GSR: variants seen among roughly 807,000 people sequenced by gnomAD.
GSR encodes the protein glutathione reductase, mitochondrial.
Under a neutral mutation model 56.5 loss-of-function variants are expected in GSR, and 48 were observed. The observed-to-expected ratio is 0.85, with a 90% CI of 0.67 to 1.08. The LOEUF is 1.08. GSR is among the 50% of genes least tolerant of loss of function. The pLI is 0.00. For missense variants in GSR, 694 were observed against 703.3 expected (o/e 0.99, Z 0.15); for synonymous variants, 264 against 270.8 (o/e 0.97, Z 0.25).
At position 30,679,275 on chromosome 8, in the gene GSR, A is replaced by AG; in HGVS notation, c.*244_*245insC. On this transcript the variant is annotated 3_prime_UTR_variant, in exon 13 of 13. Transcript: ENST00000221130. ...AAAAAAAACTAGCACAGAGCTGTTA[A>AG]TAAAAAAAAAACTTGAAAATATTAA... The AG allele has an allele frequency of 1.1e-5, 6 of 528,832 alleles. No individual in the cohort carries two copies. Among genetic ancestry groups the AG allele is most frequent in the African/African-American group, 5.7e-5 (3 of 52,372 alleles). The allele number at this position is 528,832 out of a possible 1,614,324, so 32.8% of individuals were successfully genotyped here. A position where few individuals can be genotyped will look rare whatever the true frequency, so the allele number is the denominator to read the frequency against.
At chr8:30,707,830 G>A (rs932175984) in intron 4 of GSR, among the ~76,000 whole-genome samples, 29 of 151,978 alleles carry the variant, frequency 1.9e-4, no homozygotes, top group Non-Finnish European at 3.5e-4. Context: ...GGTGGCACAC[G>A]CCTGTAGTCC....
At chr8:30,711,503 C>A in intron 2 of GSR, among the ~76,000 whole-genome samples, 1 of 152,166 alleles carries the variant, frequency 6.6e-6, no homozygotes, top group Admixed American at 6.6e-5. Context: ...CTGGCTGGGT[C>A]TTTTTGCTGA....
chr8:30,695,093 T>G (rs576616031), intron 7 of GSR, among the ~76,000 whole-genome samples: 2 of 151,932 alleles, frequency 1.3e-5, no homozygotes, highest in Admixed American at 1.3e-4. Flanking sequence ...AAGTGTATGA[T>G]CTACAAGATT....
intron 9 of GSR, among the ~76,000 whole-genome samples, chr8:30,686,985 C>T (rs1041932328): frequency 2.0e-5 from 3 of 151,394 alleles, no homozygotes; most frequent in Non-Finnish European, 2.9e-5. Flanking sequence ...TACAGGCATG[C>T]GTCACCATGC....
chr8:30,700,289 C>T (rs1803685784), intron 5 of GSR, among the ~76,000 whole-genome samples, 154 bp from the exon 6 acceptor site: 1 of 152,124 alleles, frequency 6.6e-6, no homozygotes, highest in Non-Finnish European at 1.5e-5. Context: ...AAGCTGCCAA[C>T]CAAATCCTCC....
intron 4 of GSR, among the ~76,000 whole-genome samples, chr8:30,705,584 A>G (rs1367710495): frequency 6.6e-6 from 1 of 152,064 alleles, no homozygotes; most frequent in Non-Finnish European, 1.5e-5. Context: ...TTTTAAAAGT[A>G]GTAGGGTGTG....
intron 3 of GSR, 41 bp downstream of exon 3, chr8:30,709,773 T>C (rs1485616570): frequency 9.0e-7 from 1 of 1,108,626 alleles, no homozygotes; most frequent in Non-Finnish European, 1.4e-6. Context: ...AAGAAAAATA[T>C]CTACACTTGG....
At chr8:30,683,998 G>A in intron 10 of GSR, 90 bp downstream of exon 10, 1 of 789,568 alleles carries the variant, frequency 1.3e-6, no homozygotes, top group Non-Finnish European at 2.3e-6. Flanking sequence ...TTTTAACTTT[G>A]CTTAAGCAGA....
chr8:30,708,219 C>T, intron 3 of GSR, 78 bp from the exon 4 acceptor site: 1 of 1,005,688 alleles, frequency 9.9e-7, no homozygotes, highest in South Asian at 1.3e-5. Context: ...TGTCCCTGAA[C>T]ACCCCGAGCA....
chr8:30,682,196 T>A, intron 10 of GSR, 135 bp from the exon 11 acceptor site: 1 of 776,714 alleles, frequency 1.3e-6, no homozygotes, highest in Non-Finnish European at 2.3e-6. Context: ...TTACACTATC[T>A]AGATAGTTTA....
At chr8:30,710,766 AAAATATAT>A (rs1804112945) in intron 2 of GSR, among the ~76,000 whole-genome samples, 1 of 145,568 alleles carries the variant, frequency 6.9e-6, no homozygotes, top group African/African-American at 2.5e-5. Context: ...AAAAGAAAAA[AAAATATAT>A]AAATGAACAT....
intron 9 of GSR, among the ~76,000 whole-genome samples, chr8:30,688,267 A>G (rs774847697): frequency 1.1e-4 from 16 of 152,208 alleles, no homozygotes; most frequent in Non-Finnish European, 4.4e-5. Context: ...GAGGGAGGCC[A>G]ATAGGAAACT....
intron 9 of GSR, among the ~76,000 whole-genome samples, chr8:30,684,766 T>C (rs1202258932): frequency 6.6e-6 from 1 of 151,938 alleles, no homozygotes; most frequent in East Asian, 1.9e-4. Flanking sequence ...AGTTTTTTTT[T>C]AGAGACAGGG....
At chr8:30,694,882 A>G (rs368353536) in intron 7 of GSR, among the ~76,000 whole-genome samples, 350 of 131,636 alleles carry the variant, frequency 2.7e-3, no homozygotes, top group African/African-American at 8.9e-3. Context: ...TGGGCAACAC[A>G]GTGAGACTCT....
At chr8:30,723,780 A>G (rs1413929763) in intron 1 of GSR, among the ~76,000 whole-genome samples, 2 of 35,052 alleles carry the variant, frequency 5.7e-5, no homozygotes, top group Non-Finnish European at 1.4e-4. Flanking sequence ...TGACAGAGCA[A>G]CAAACACACA....
chr8:30,699,302 AT>A (rs560595036), intron 6 of GSR, among the ~76,000 whole-genome samples: 246 of 151,854 alleles, frequency 1.6e-3, no homozygotes, highest in African/African-American at 5.7e-3. Context: ...AAAAAAAAAA[AT>A]GTTTGTTCAT....
rs200171779 is a variant in GSR, at chr8:30,679,481, C to T, written c.*39G>A. Reference sequence around the variant, plus strand: ...GATTATTTGTTTCATTTCAGAAGATCTATGGGTCCCACTGCCCGCCACACG... The same window carrying T: ...GATTATTTGTTTCATTTCAGAAGATTTATGGGTCCCACTGCCCGCCACACG... On this transcript the variant is annotated 3_prime_UTR_variant, in exon 13 of 13. Coordinates refer to ENST00000221130, the MANE Select transcript of GSR (RefSeq NM_000637.5). 6.9e-6 allele frequency: 11 copies of T among 1,593,586 alleles called. No individual in the cohort carries two copies. The highest frequency in any genetic ancestry group is 1.7e-4 in the Middle Eastern group (1 of 6,000).
chr8:30,703,243 A>G lies in GSR; in HGVS notation c.493-3T>C. 6.2e-7 allele frequency: 1 copy of G among 1,613,574 alleles called. No individual in the cohort carries two copies. The highest frequency in any genetic ancestry group is 8.5e-7 in the Non-Finnish European group (1 of 1,179,476). On this transcript the variant is annotated splice_region_variant and splice_polypyrimidine_tract_variant and intron_variant, in intron 4 of 12. Coordinates refer to ENST00000221130, the MANE Select transcript of GSR (RefSeq NM_000637.5). ...CCACGGATGATTTCTATATGGGACT[A>G]AAGAAGGAACCATGACATTAGCCTG... is the stretch of plus-strand genomic sequence containing the variant.
Position 30,696,491 on chromosome 8 carries a change from G to C in GSR, c.696-12C>G. ...CAATGACGCTGCGGCTGAGACGCGA[G>C]CAGAGGGTTAGTATTCTTAAATAAA... On this transcript the variant is annotated splice_polypyrimidine_tract_variant and intron_variant, in intron 6 of 12. Transcript: ENST00000221130. 2.6e-6 allele frequency: 4 copies of C among 1,549,926 alleles called. No individual in the cohort carries two copies. The highest frequency in any genetic ancestry group is 3.6e-6 in the Non-Finnish European group (4 of 1,121,428).
Sources: allele counts gnomAD v4.1 joint callset (sites outside exome capture counted in the v4.1 genomes callset), GRCh38; gene constraint gnomAD v4.1.1; transcripts MANE v1.5; gene names NCBI Gene and HGNC (gene_info 2026-07-23, HGNC 2026-07-21).